The following PDE1A variants were observed in gnomAD, a reference collection of about 807,000 sequenced individuals.
The protein encoded by PDE1A is dual specificity calcium/calmodulin-dependent 3',5'-cyclic nucleotide phosphodiesterase 1A.
In PDE1A, 35 loss-of-function variants were observed where a neutral mutation model predicts 61.7. The observed-to-expected ratio is 0.57, with a 90% CI of 0.43 to 0.75. The LOEUF is 0.75. Among genes scored for constraint, PDE1A ranks in the 30% least tolerant of loss-of-function variants. The probability of loss-of-function intolerance (pLI) is 0.00; values close to 1 mark genes in which losing one functional copy is unlikely to be tolerated. For synonymous variants in PDE1A, 232 were observed against 213.2 expected (o/e 1.09, Z -0.77); for missense variants, 597 against 630.6 (o/e 0.95, Z 0.57).
intron 8 of PDE1A, among the ~76,000 whole-genome samples, chr2:182,204,448 C>T (rs1218245447): frequency 6.6e-6 from 1 of 152,096 alleles, no homozygotes; most frequent in Non-Finnish European, 1.5e-5. Context: ...TATTTTTTCC[C>T]CTCTGTCACA....
At chr2:182,367,516 G>T (rs567188928) in intron 1 of PDE1A, among the ~76,000 whole-genome samples, 1 of 152,000 alleles carries the variant, frequency 6.6e-6, no homozygotes, top group Non-Finnish European at 1.5e-5. Flanking sequence ...GTGGGAATTT[G>T]TTCTCTTAAT....
intron 1 of PDE1A, among the ~76,000 whole-genome samples, chr2:182,391,511 G>A (rs1261632124): frequency 6.6e-6 from 1 of 152,164 alleles, no homozygotes; most frequent in African/African-American, 2.4e-5. Context: ...AGCTGAGAGG[G>A]TCCAGAAGAC....
chr2:182,212,672 T>C (rs1481038535), intron 7 of PDE1A, among the ~76,000 whole-genome samples: 4 of 152,174 alleles, frequency 2.6e-5, no homozygotes, highest in Non-Finnish European at 4.4e-5. Flanking sequence ...ACCTGGAAAA[T>C]TGGGTCACTC....
chr2:182,400,872 C>A (rs1181313384), intron 1 of PDE1A, among the ~76,000 whole-genome samples: 1 of 152,148 alleles, frequency 6.6e-6, no homozygotes. Flanking sequence ...AGAGAAACCA[C>A]CTTTGCCAAA....
At chr2:182,254,327 C>A (rs762761673) in intron 2 of PDE1A, among the ~76,000 whole-genome samples, 17 of 152,176 alleles carry the variant, frequency 1.1e-4, no homozygotes, top group Non-Finnish European at 2.1e-4. Context: ...CAAACAGCCA[C>A]CCCTCCCCAC....
At chr2:182,705,160 T>C in the PDE1A span, among the ~76,000 whole-genome samples, 1 of 152,214 alleles carries the variant, frequency 6.6e-6, no homozygotes, top group East Asian at 1.9e-4. Context: ...AAATCTCATG[T>C]ATGATAATTT....
intron 2 of PDE1A, among the ~76,000 whole-genome samples, chr2:182,508,807 T>C (rs1361302416): frequency 7.0e-6 from 1 of 142,182 alleles, no homozygotes; most frequent in African/African-American, 2.9e-5. Flanking sequence ...TTATTTTATT[T>C]TTTATTTTTT....
intron 13 of PDE1A, among the ~76,000 whole-genome samples, chr2:182,156,488 T>C (rs1691088279): frequency 6.6e-6 from 1 of 152,090 alleles, no homozygotes. Context: ...GGGGAAAGTA[T>C]CTATTGATTG....
chr2:182,168,722 G>C (rs1160840997), intron 13 of PDE1A, among the ~76,000 whole-genome samples: 1 of 152,010 alleles, frequency 6.6e-6, no homozygotes, highest in Non-Finnish European at 1.5e-5. Flanking sequence ...ATTATGTAAA[G>C]AAATGATATT....
the PDE1A span, among the ~76,000 whole-genome samples, chr2:182,686,839 C>T: frequency 9.8e-5 from 15 of 152,324 alleles, no homozygotes; most frequent in Admixed American, 4.6e-4. Context: ...CCTAATACTG[C>T]GCTTTTCCAA....
At chr2:182,564,691 A>G in the PDE1A span, among the ~76,000 whole-genome samples, 3 of 152,178 alleles carry the variant, frequency 2.0e-5, no homozygotes, top group Non-Finnish European at 4.4e-5. Context: ...CAGGTACACC[A>G]ATCAGACGTA....
chr2:182,189,071 AAAAGCACATTAAT>A lies in PDE1A; in HGVS notation c.1126-24_1126-12del. 6.3e-7 allele frequency: 1 copy of A among 1,595,820 alleles called. No individual in the cohort carries two copies. Among genetic ancestry groups the A allele is most frequent in the Non-Finnish European group, 8.6e-7 (1 of 1,164,186 alleles). ...AGCTTCTTTATCTCCCTGGAGAAAG[AAAAGCACATTAAT>A]ATAGACTTGGGTTGGAGAAGCTAAA... On this transcript the variant is annotated splice_polypyrimidine_tract_variant and intron_variant, in intron 10 of 13. Transcript: ENST00000351439.
chr2:182,419,921 A>G (rs1027881872), intron 1 of PDE1A, among the ~76,000 whole-genome samples: 4 of 152,116 alleles, frequency 2.6e-5, no homozygotes, highest in Non-Finnish European at 4.4e-5. Context: ...AGAAATACAA[A>G]GATGAATTCA....
chr2:182,460,464 C>T (rs113942746), intron 2 of PDE1A, among the ~76,000 whole-genome samples: 6 of 152,148 alleles, frequency 3.9e-5, no homozygotes, highest in Non-Finnish European at 8.8e-5. Context: ...GCCTCTAACT[C>T]CTGGGCTCAA....
upstream of PDE1A, chr2:182,523,331 A>C (rs569532627): frequency 2.6e-4 from 40 of 152,258 alleles, 1 homozygote; most frequent in Admixed American, 2.4e-3. Context: ...GACAAGAGAG[A>C]AACTGATGGT....
intron 2 of PDE1A, among the ~76,000 whole-genome samples, chr2:182,494,332 A>G (rs1688581386): frequency 6.6e-6 from 1 of 151,388 alleles, no homozygotes; most frequent in Admixed American, 6.6e-5. Flanking sequence ...AACTGTGTAG[A>G]CTATGGACTA....
At chr2:182,688,085 C>G in the PDE1A span, among the ~76,000 whole-genome samples, 1 of 152,144 alleles carries the variant, frequency 6.6e-6, no homozygotes, top group African/African-American at 2.4e-5. Flanking sequence ...GAGAATGGAA[C>G]CAAGTTGGAA....
At chr2:182,449,415 T>G (rs1685364014) in intron 2 of PDE1A, among the ~76,000 whole-genome samples, 3 of 151,676 alleles carry the variant, frequency 2.0e-5, no homozygotes, top group African/African-American at 4.8e-5. Flanking sequence ...ATGGAAAAAT[T>G]CATTCTGTAT....
intron 2 of PDE1A, among the ~76,000 whole-genome samples, chr2:182,458,659 C>T (rs1686078655): frequency 6.6e-6 from 1 of 152,070 alleles, no homozygotes; most frequent in Admixed American, 6.6e-5. Flanking sequence ...AGACTAAGTC[C>T]CAGCATTCCC....
Sources: gnomAD v4.1 joint callset for allele counts (sites outside exome capture counted in the v4.1 genomes callset) on GRCh38, gnomAD v4.1.1 for gene constraint, MANE v1.5 for transcripts, NCBI Gene and HGNC (gene_info 2026-07-23, HGNC 2026-07-21) for gene names.